Variants in ALDH1A2 observed in about 807,000 individuals in gnomAD.
ALDH1A2 encodes the protein aldehyde dehydrogenase 1 family member A2.
In ALDH1A2, 27 loss-of-function variants were observed where a neutral mutation model predicts 60.3. That is an observed-to-expected ratio of 0.45 (90% confidence interval 0.33 to 0.62). ALDH1A2 has a LOEUF of 0.62. ALDH1A2 is among the 20% of genes least tolerant of loss of function. The pLI, the probability that ALDH1A2 is intolerant of heterozygous loss-of-function variation, is 0.02. For missense variants in ALDH1A2, 581 were observed against 643.8 expected (o/e 0.90, Z 1.06); for synonymous variants, 289 against 232.4 (o/e 1.24, Z -2.21).
At chr15:57,957,055 C>T (rs1182452412) in intron 12 of ALDH1A2, among the ~76,000 whole-genome samples, 1 of 152,136 alleles carries the variant, frequency 6.6e-6, no homozygotes, top group Non-Finnish European at 1.5e-5. Context: ...CTCAAATCTG[C>T]TACCAAAAGA....
chr15:57,978,082 G>A (rs1360390158), intron 7 of ALDH1A2, among the ~76,000 whole-genome samples: 1 of 152,148 alleles, frequency 6.6e-6, no homozygotes, highest in Non-Finnish European at 1.5e-5. Flanking sequence ...TCAGCTTAAG[G>A]AGATTTTGGG....
intron 1 of ALDH1A2, among the ~76,000 whole-genome samples, chr15:58,057,163 A>G (rs1369268033): frequency 6.6e-6 from 1 of 152,192 alleles, no homozygotes; most frequent in African/African-American, 2.4e-5. Flanking sequence ...TGCTGGATGC[A>G]TCATAAATGT....
intron 7 of ALDH1A2, among the ~76,000 whole-genome samples, chr15:57,984,370 TGA>T (rs1252669332): frequency 6.6e-6 from 1 of 152,240 alleles, no homozygotes; most frequent in Non-Finnish European, 1.5e-5. Context: ...TTTCACAGCT[TGA>T]GATATAACTC....
chr15:58,039,968 C>T (rs1566957765), intron 1 of ALDH1A2, among the ~76,000 whole-genome samples: 1 of 151,848 alleles, frequency 6.6e-6, no homozygotes, highest in Non-Finnish European at 1.5e-5. Context: ...GCCCCCTGCC[C>T]TTGAAATAAG....
intron 4 of ALDH1A2, among the ~76,000 whole-genome samples, chr15:58,008,722 A>C (rs1895537575): frequency 6.6e-6 from 1 of 152,134 alleles, no homozygotes; most frequent in Non-Finnish European, 1.5e-5. Context: ...GACCAAAAAA[A>C]CCAACAACTA....
intron 1 of ALDH1A2, among the ~76,000 whole-genome samples, chr15:58,016,799 C>T (rs1185951940): frequency 6.6e-6 from 1 of 152,094 alleles, no homozygotes; most frequent in Non-Finnish European, 1.5e-5. Context: ...AAATGAATGT[C>T]ACCACTGTAT....
In ALDH1A2 at chr15:58,014,179, T is replaced by TGTC; in HGVS notation, c.217_219dup (p.Asp73dup). Reference sequence around the variant, plus strand: ...TCTTTTATCTACAAAAGACATACCTTGTCTGCTTCTTGAACTTCACACACC... The same window carrying TGTC: ...TCTTTTATCTACAAAAGACATACCTTGTCGTCTGCTTCTTGAACTTCACACACC... On this transcript the variant is annotated inframe_insertion, in exon 2 of 13. Transcript: ENST00000249750. 1 of 1,614,172 alleles carries TGTC rather than the reference T, an allele frequency of 6.2e-7. No individual in the cohort carries two copies. The highest frequency in any genetic ancestry group is 8.5e-7 in the Non-Finnish European group (1 of 1,179,994).
chr15:58,029,878 A>C (rs1283257442), intron 1 of ALDH1A2, among the ~76,000 whole-genome samples: 2 of 152,180 alleles, frequency 1.3e-5, no homozygotes, highest in Non-Finnish European at 2.9e-5. Flanking sequence ...ATCAGTTCTG[A>C]AATTGAGGCA....
At chr15:58,000,410 G>A (rs890700402) in intron 4 of ALDH1A2, among the ~76,000 whole-genome samples, 32 of 151,812 alleles carry the variant, frequency 2.1e-4, no homozygotes, top group Non-Finnish European at 4.4e-4. Context: ...CTAAATCAGG[G>A]TTACCGTAAG....
chr15:57,990,632 T>A (rs1275520721), intron 7 of ALDH1A2: 1 of 152,190 alleles, frequency 6.6e-6, no homozygotes, highest in African/African-American at 2.4e-5. Context: ...CCTAGCACTT[T>A]GGGAGGCCAA....
At chr15:58,014,491 A>G (rs1895733808) in intron 1 of ALDH1A2, 1 of 610,932 alleles carries the variant, frequency 1.6e-6, no homozygotes, top group Admixed American at 2.1e-5. Flanking sequence ...GGCTAACTAC[A>G]GTTCTTACCT....
At chr15:58,031,943 G>A (rs1311608928) in intron 1 of ALDH1A2, among the ~76,000 whole-genome samples, 8 of 152,204 alleles carry the variant, frequency 5.3e-5, no homozygotes, top group East Asian at 1.9e-4. Context: ...GGAAGTCAGC[G>A]TGGCGATTCC....
At chr15:58,041,495 C>G (rs1896517398) in intron 1 of ALDH1A2, among the ~76,000 whole-genome samples, 1 of 151,860 alleles carries the variant, frequency 6.6e-6, no homozygotes, top group African/African-American at 2.4e-5. Flanking sequence ...TTCTCATAGT[C>G]CTGGAAGCCG....
intron 4 of ALDH1A2, among the ~76,000 whole-genome samples, chr15:58,004,095 C>T (rs1422332035): frequency 1.3e-5 from 2 of 151,900 alleles, no homozygotes; most frequent in East Asian, 3.9e-4. Flanking sequence ...AAGCAGCCAC[C>T]CACTTTTTCA....
At position 58,058,091 on chromosome 15, in the gene ALDH1A2, C is replaced by G. The variant is rs1427560109; in HGVS notation, c.117+7443G>C. 1.4e-5 allele frequency: 22 copies of G among 1,533,426 alleles called. No homozygotes were observed. The East Asian group carries it at 5.1e-4, about 36-fold the overall frequency. The allele number at this position is 1,533,426 out of a possible 1,614,324, so 95.0% of individuals were successfully genotyped here. On this transcript the variant is annotated intron_variant, in intron 1 of 12. Transcript: ENST00000249750. ...CTTCTCCCAAAAAGGATTCTGCCAG[C>G]AAGTCCAATTTTCACACCTAGAGAA... is the stretch of plus-strand genomic sequence containing the variant.
chr15:58,032,005 GTA>G (rs1896253711), intron 1 of ALDH1A2, among the ~76,000 whole-genome samples: 1 of 152,156 alleles, frequency 6.6e-6, no homozygotes, highest in Non-Finnish European at 1.5e-5. Flanking sequence ...CCATTACTGG[GTA>G]TATACCCAAA....
At chr15:57,984,060 G>A (rs548594581) in intron 7 of ALDH1A2, among the ~76,000 whole-genome samples, 46 of 152,306 alleles carry the variant, frequency 3.0e-4, no homozygotes, top group African/African-American at 1.1e-3. Flanking sequence ...ATGTCATTCC[G>A]AATTTTAATG....
chr15:57,998,388 C>T (rs1204385858), intron 4 of ALDH1A2, among the ~76,000 whole-genome samples: 2 of 151,842 alleles, frequency 1.3e-5, no homozygotes, highest in Non-Finnish European at 2.9e-5. Flanking sequence ...AAAATCACAA[C>T]CATTCCTATA....
rs543068307 is a variant in ALDH1A2 at position 58,014,476 on chromosome 15, C to T, written c.118-195G>A. 6.3e-4 allele frequency: 398 copies of T among 633,674 alleles called. 1 individual carries two copies. The highest frequency in any genetic ancestry group is 1.0e-3 in the South Asian group (68 of 66,250). The allele number at this position is 633,674 out of a possible 1,614,324, so 39.3% of individuals were successfully genotyped here. On this transcript the variant is annotated intron_variant, in intron 1 of 12. Transcript: ENST00000249750. ...CTCTATATTTTTGCTTTAACATCATCCAAAGGCTAACTACAGTTCTTACCT... is the reference window on the plus strand; with the variant it reads ...CTCTATATTTTTGCTTTAACATCATTCAAAGGCTAACTACAGTTCTTACCT...
Sources: allele counts gnomAD v4.1 joint callset (sites outside exome capture counted in the v4.1 genomes callset), GRCh38; gene constraint gnomAD v4.1.1; transcripts MANE v1.5; gene names NCBI Gene and HGNC (gene_info 2026-07-23, HGNC 2026-07-21).